ZFAND5: variants seen among roughly 807,000 people sequenced by gnomAD.
The protein encoded by ZFAND5 is zinc finger AN1-type containing 5, also known as AN1-type zinc finger protein 5.
Under a neutral mutation model 23.6 loss-of-function variants are expected in ZFAND5, and 4 were observed. The observed-to-expected ratio is 0.17, with a 90% CI of 0.08 to 0.39. The LOEUF is 0.39. Ranked by LOEUF, ZFAND5 falls within the 10% of genes least tolerant of loss-of-function variation. The pLI, the probability that ZFAND5 is intolerant of heterozygous loss-of-function variation, is 1.00. For synonymous variants in ZFAND5, 68 were observed against 80.6 expected (o/e 0.84, Z 0.84); for missense variants, 161 against 253.7 (o/e 0.63, Z 2.48).
Position 72,351,635 on chromosome 9 carries a change from A to C in ZFAND5, c.*4318T>G. 6.8e-6 allele frequency: 1 copy of C among 147,752 alleles called. No individual in the cohort carries two copies. The highest frequency in any genetic ancestry group is 1.5e-5 in the Non-Finnish European group (1 of 67,094). 9.2% of individuals were successfully genotyped at this position (147,752 alleles called of 1,614,324 possible). ...TTTGCTACACGGTATTTATTCAATG[A>C]CTGTATATTTAGTCACCACCTCAAC... On this transcript the variant is annotated 3_prime_UTR_variant, in exon 7 of 7. Coordinates refer to ENST00000376962, the MANE Select transcript of ZFAND5 (RefSeq NM_001102420.3).
rs1251465273 is a variant in ZFAND5 at position 72,351,578 on chromosome 9, TATTC to T, written c.*4371_*4374del. On this transcript the variant is annotated 3_prime_UTR_variant, in exon 7 of 7. Transcript: ENST00000376962. ...TATAAAATATTAAATGGCACTTTTG[TATTC>T]TGTTGTACTTTTTTTTTTTTTTTTA... is the stretch of plus-strand genomic sequence containing the variant. 6 of 103,080 alleles carry T rather than the reference TATTC, an allele frequency of 5.8e-5. No individual in the cohort carries two copies. Among genetic ancestry groups the T allele is most frequent in the African/African-American group, 2.4e-4 (6 of 25,126 alleles). The allele number at this position is 103,080 out of a possible 1,614,324, so 6.4% of individuals were successfully genotyped here.
At position 72,356,055 on chromosome 9, in the gene ZFAND5, G is replaced by GT; in HGVS notation, c.539dup (p.Tyr180Ter). 1 of 1,613,684 alleles carries GT rather than the reference G, an allele frequency of 6.2e-7. No homozygotes were observed. The change falls in exon 7 of 7, where the codon TAC becomes TAAC. Residue 180 changes from tyrosine (Y) to a stop codon, truncating the protein, a stop_gained and frameshift_variant. Coordinates refer to ENST00000376962, the MANE Select transcript of ZFAND5 (RefSeq NM_001102420.3). LOFTEE classifies it high-confidence loss of function. ...CGNLFCGLHRYSDKHNCPYDY... is the reference protein window; with the variant it reads ...CGNLFCGLHR ...CATACGGACAGTTGTGCTTGTCAGAGTAACGGTGAAGTCCACAAAACAAAT... is the reference window on the plus strand; with the variant it reads ...CATACGGACAGTTGTGCTTGTCAGAGTTAACGGTGAAGTCCACAAAACAAAT...
chr9:72,353,823 C>T lies in ZFAND5; in HGVS notation c.*2130G>A, dbSNP rs1841853117. 1 of 152,122 alleles carries T rather than the reference C, an allele frequency of 6.6e-6. No individual in the cohort carries two copies. Among genetic ancestry groups the T allele is most frequent in the African/African-American group, 2.4e-5 (1 of 41,418 alleles). The allele number at this position is 152,122 out of a possible 1,614,324, so 9.4% of individuals were successfully genotyped here. On this transcript the variant is annotated 3_prime_UTR_variant, in exon 7 of 7. Coordinates refer to ENST00000376962, the MANE Select transcript of ZFAND5 (RefSeq NM_001102420.3). ...CAACTCAATTGTGACTTTTCATATT[C>T]AGAGAAATACTACCCTATGTCAGTA...
chr9:72,358,782 A>G (rs1401885078), intron 5 of ZFAND5, among the ~76,000 whole-genome samples: 2 of 152,160 alleles, frequency 1.3e-5, no homozygotes, highest in Non-Finnish European at 2.9e-5. Context: ...CTGCCAAAAA[A>G]GAACAAATTG....
At chr9:72,361,109 T>C (rs957538411) in intron 2 of ZFAND5, among the ~76,000 whole-genome samples, 4 of 152,230 alleles carry the variant, frequency 2.6e-5, no homozygotes, top group African/African-American at 9.6e-5. Flanking sequence ...AACTGGTATC[T>C]TTAACTTTTC....
rs538408231 is a variant in ZFAND5, at chr9:72,356,799, T to C, written c.493+132A>G. 3.4e-6 allele frequency: 4 copies of C among 1,159,436 alleles called. No homozygotes were observed. In the African/African-American group the frequency reaches 6.4e-5, roughly 19 times the overall value. The allele number at this position is 1,159,436 out of a possible 1,614,324, so 71.8% of individuals were successfully genotyped here. A position where few individuals can be genotyped will look rare whatever the true frequency, so the allele number is the denominator to read the frequency against. ...CCACCCCAATACCACCTCCTCCACC[T>C]TTCCTAGACTACAGCTAGTCAGGCT... On this transcript the variant is annotated intron_variant, in intron 6 of 6. Transcript: ENST00000376962.
intron 5 of ZFAND5, among the ~76,000 whole-genome samples, chr9:72,357,393 T>A (rs1841973912): frequency 6.6e-6 from 1 of 152,284 alleles, no homozygotes; most frequent in African/African-American, 2.4e-5. Flanking sequence ...ATATGCTCAG[T>A]TTTTCCACGT....
In ZFAND5 at chr9:72,354,259, G is replaced by C. The variant is rs925938932; in HGVS notation, c.*1694C>G. ...TTTTAAAATTGTTTTAATCCCAAAGGTGCCTATTGAATTCTTCAAAAATAA... is the reference window on the plus strand; with the variant it reads ...TTTTAAAATTGTTTTAATCCCAAAGCTGCCTATTGAATTCTTCAAAAATAA... On this transcript the variant is annotated 3_prime_UTR_variant, in exon 7 of 7. Transcript: ENST00000376962. 6.6e-6 allele frequency: 1 copy of C among 152,044 alleles called. No individual in the cohort carries two copies. The highest frequency in any genetic ancestry group is 1.9e-4 in the East Asian group (1 of 5,194). The allele number at this position is 152,044 out of a possible 1,614,324, so 9.4% of individuals were successfully genotyped here. A position where few individuals can be genotyped will look rare whatever the true frequency, so the allele number is the denominator to read the frequency against.
At chr9:72,361,001 T>A (rs769356140) in intron 2 of ZFAND5, among the ~76,000 whole-genome samples, 6 of 152,180 alleles carry the variant, frequency 3.9e-5, no homozygotes, top group African/African-American at 9.7e-5. Flanking sequence ...AAAAGAAATT[T>A]TATCAATTAT....
rs1230669049 is a variant in ZFAND5 at position 72,353,561 on chromosome 9, C to T, written c.*2392G>A. 1 of 152,228 alleles carries T rather than the reference C, an allele frequency of 6.6e-6. No homozygotes were observed. Among genetic ancestry groups the T allele is most frequent in the African/African-American group, 2.4e-5 (1 of 41,396 alleles). 9.4% of individuals were successfully genotyped at this position (152,228 alleles called of 1,614,324 possible). On this transcript the variant is annotated 3_prime_UTR_variant, in exon 7 of 7. Transcript: ENST00000376962. ...TGGTGGCTGGTGCCTGTGATCCCAG[C>T]TACTTAGGAGGCAGAGGCAGGAGAA...
intron 5 of ZFAND5, among the ~76,000 whole-genome samples, 176 bp downstream of exon 5, chr9:72,359,240 TTA>T (rs1842028643): frequency 8.1e-6 from 1 of 124,048 alleles, no homozygotes; most frequent in Non-Finnish European, 1.7e-5. Context: ...TATGACTATT[TTA>T]CACTTCAAGA....
chr9:72,356,887 T>C, intron 6 of ZFAND5, 44 bp downstream of exon 6: 3 of 1,606,268 alleles, frequency 1.9e-6, no homozygotes, highest in Non-Finnish European at 2.5e-6. Context: ...AGCTCCTTGT[T>C]AACTGCAGAA....
intron 2 of ZFAND5, among the ~76,000 whole-genome samples, chr9:72,362,684 A>G (rs561649699): frequency 1.3e-5 from 2 of 152,370 alleles, no homozygotes; most frequent in South Asian, 4.1e-4. Flanking sequence ...CACAAGAGGT[A>G]CCAGGACATG....
At chr9:72,364,345 G>C (rs1010037862) in intron 1 of ZFAND5, 2 of 1,104,738 alleles carry the variant, frequency 1.8e-6, no homozygotes, top group Non-Finnish European at 2.2e-6. Flanking sequence ...GGGCGCGGCC[G>C]CCGCCTCGGC....
chr9:72,363,717 A>G (rs1842168732), intron 1 of ZFAND5, 111 bp from the exon 2 acceptor site: 1 of 864,728 alleles, frequency 1.2e-6, no homozygotes, highest in African/African-American at 1.9e-5. Context: ...TATTTTCACC[A>G]ACTGAGTTCT....
intron 4 of ZFAND5, 139 bp from the exon 5 acceptor site, chr9:72,359,660 A>C (rs1483534182): frequency 5.0e-6 from 4 of 800,998 alleles, no homozygotes; most frequent in Non-Finnish European, 1.9e-6. Flanking sequence ...AGTTTAAAAA[A>C]AAATTGGATG....
chr9:72,363,732 G>A (rs368259522), intron 1 of ZFAND5, 126 bp from the exon 2 acceptor site: 1 of 763,122 alleles, frequency 1.3e-6, no homozygotes, highest in Non-Finnish European at 1.6e-6. Context: ...AGTTCTGAAA[G>A]CCTACTCTTT....
chr9:72,360,245 G>A (rs1564309688), intron 3 of ZFAND5, 24 bp from the exon 4 acceptor site: 3 of 1,588,516 alleles, frequency 1.9e-6, no homozygotes, highest in Admixed American at 3.5e-5. Context: ...GGATTTGTAA[G>A]GAACCAATGA....
chr9:72,361,353 A>G (rs1421865115), intron 2 of ZFAND5, among the ~76,000 whole-genome samples: 3 of 109,272 alleles, frequency 2.7e-5, no homozygotes, highest in Admixed American at 1.9e-4. Context: ...GAGAACTGGT[A>G]GCCCTTCCTG....
Sources: gnomAD v4.1 joint callset for allele counts (sites outside exome capture counted in the v4.1 genomes callset) on GRCh38, gnomAD v4.1.1 for gene constraint, MANE v1.5 for transcripts, NCBI Gene and HGNC (gene_info 2026-07-23, HGNC 2026-07-21) for gene names.